Variants in ZBTB49 observed in about 807,000 individuals in gnomAD.
ZBTB49 encodes the protein zinc finger and BTB domain containing 49, also known as zinc finger and BTB domain-containing protein 49.
A neutral mutation model predicts 57.5 loss-of-function variants in ZBTB49; 43 were observed. That is an observed-to-expected ratio of 0.75 (90% CI 0.59 to 0.97). ZBTB49 has a LOEUF of 0.97. Among genes scored for constraint, ZBTB49 ranks in the 50% least tolerant of loss-of-function variants. The probability of loss-of-function intolerance (pLI) is 0.00; values close to 1 mark genes in which losing one functional copy is unlikely to be tolerated. For synonymous variants in ZBTB49, 369 were observed against 362.1 expected (o/e 1.02, Z -0.22); for missense variants, 938 against 947.7 (o/e 0.99, Z 0.13).
intron 7 of ZBTB49, among the ~76,000 whole-genome samples, chr4:4,319,224 A>G (rs1721312906): frequency 6.6e-6 from 1 of 151,976 alleles, no homozygotes; most frequent in Non-Finnish European, 1.5e-5. Flanking sequence ...AATGTGCCCA[A>G]AGTTTAGGCA....
At chr4:4,293,255 T>TCAC (rs1279296910) in intron 1 of ZBTB49, among the ~76,000 whole-genome samples, 1 of 150,632 alleles carries the variant, frequency 6.6e-6, no homozygotes, top group Non-Finnish European at 1.5e-5. Flanking sequence ...ACTAGGTGAG[T>TCAC]TAGTCGCAAA....
At chr4:4,310,810 C>A (rs1051638233) in intron 4 of ZBTB49, among the ~76,000 whole-genome samples, 1 of 151,934 alleles carries the variant, frequency 6.6e-6, no homozygotes, top group African/African-American at 2.4e-5. Context: ...TGAGCCACTG[C>A]GCCCGGCCTA....
At chr4:4,314,140 A>G (rs1721093076) in intron 5 of ZBTB49, among the ~76,000 whole-genome samples, 1 of 152,160 alleles carries the variant, frequency 6.6e-6, no homozygotes, top group Non-Finnish European at 1.5e-5. Context: ...AAAACAAACA[A>G]AAGCTGCGGC....
chr4:4,321,722 A>G lies in ZBTB49; in HGVS notation c.*406A>G, dbSNP rs151117928. 120 of 187,128 alleles carry G rather than the reference A, an allele frequency of 6.4e-4. No homozygotes were observed. Among genetic ancestry groups the G allele is most frequent in the African/African-American group, 2.8e-3 (117 of 41,956 alleles). The allele number at this position is 187,128 out of a possible 1,614,324, so 11.6% of individuals were successfully genotyped here. Reference sequence around the variant, plus strand: ...TAGCATTTTGTATTATTTACACAGAATTTATTTGTATATGAAACTCATACC... The same window carrying G: ...TAGCATTTTGTATTATTTACACAGAGTTTATTTGTATATGAAACTCATACC... On this transcript the variant is annotated 3_prime_UTR_variant, in exon 8 of 8. Coordinates refer to ENST00000337872, the MANE Select transcript of ZBTB49 (RefSeq NM_145291.4).
At chr4:4,292,366 C>T (rs775988484) in intron 1 of ZBTB49, among the ~76,000 whole-genome samples, 15 of 152,140 alleles carry the variant, frequency 9.9e-5, no homozygotes, top group Non-Finnish European at 1.6e-4. Flanking sequence ...CATGGATGAC[C>T]GTATCTGATG....
rs1369406600 is a variant in ZBTB49 at position 4,315,621 on chromosome 4, CA to C, written c.1377-12del. ...GTGGAAAGGCTCTTAATTGAATTTTCAAATTACATTCTAGGTTTGCAGCCTC... is the reference window on the plus strand; with the variant it reads ...GTGGAAAGGCTCTTAATTGAATTTTCAATTACATTCTAGGTTTGCAGCCTC... On this transcript the variant is annotated splice_polypyrimidine_tract_variant and intron_variant, in intron 5 of 7. Coordinates refer to ENST00000337872, the MANE Select transcript of ZBTB49 (RefSeq NM_145291.4). The C allele has an allele frequency of 1.2e-6, 2 of 1,612,858 alleles. No individual in the cohort carries two copies. The highest frequency in any genetic ancestry group is 1.7e-6 in the Non-Finnish European group (2 of 1,179,410).
intron 3 of ZBTB49, among the ~76,000 whole-genome samples, chr4:4,305,894 G>T (rs1335991394): frequency 6.6e-6 from 1 of 152,134 alleles, no homozygotes; most frequent in Non-Finnish European, 1.5e-5. Context: ...TAAATACATT[G>T]ATTTTAACAT....
At chr4:4,309,495 G>C (rs990444423) in intron 4 of ZBTB49, among the ~76,000 whole-genome samples, 1 of 152,214 alleles carries the variant, frequency 6.6e-6, no homozygotes, top group Non-Finnish European at 1.5e-5. Context: ...GAAAGAAAAT[G>C]CGGCGTAATT....
chr4:4,316,835 C>G (rs1242619775), intron 7 of ZBTB49, among the ~76,000 whole-genome samples: 2 of 152,200 alleles, frequency 1.3e-5, no homozygotes, highest in East Asian at 3.8e-4. Context: ...AACTCCATGA[C>G]CATTCTGATC....
At chr4:4,300,248 T>G in intron 2 of ZBTB49, 151 bp downstream of exon 2, 3 of 884,420 alleles carry the variant, frequency 3.4e-6, no homozygotes, top group South Asian at 2.8e-5. Context: ...ATTTTTAAGT[T>G]TGTTAACCAT....
chr4:4,309,313 GGGAAGAGTCATGTCATACTTTAAC>G (rs942795946), intron 4 of ZBTB49, among the ~76,000 whole-genome samples: 5 of 152,204 alleles, frequency 3.3e-5, no homozygotes, highest in Admixed American at 6.5e-5. Context: ...GATCTCTGCA[GGGAAGAGTCATGTCATACTTTAAC>G]GGAAGAGTCA....
chr4:4,301,635 G>A (rs1281957589), intron 2 of ZBTB49, among the ~76,000 whole-genome samples: 1 of 152,000 alleles, frequency 6.6e-6, no homozygotes, highest in Non-Finnish European at 1.5e-5. Flanking sequence ...AATATTTAGA[G>A]CAATCTTTTA....
chr4:4,301,019 A>G (rs1720449408), intron 2 of ZBTB49, among the ~76,000 whole-genome samples: 1 of 152,198 alleles, frequency 6.6e-6, no homozygotes. Flanking sequence ...ACACATTGTA[A>G]TGAATCAGCT....
At chr4:4,303,952 G>A (rs73076250) in intron 3 of ZBTB49, among the ~76,000 whole-genome samples, 1,843 of 152,082 alleles carry the variant, frequency 0.012, 42 homozygotes, top group African/African-American at 0.042. Flanking sequence ...CTGCTTTTAC[G>A]GTGTTTGTGT....
chr4:4,309,016 C>T (rs1266559697), intron 4 of ZBTB49, among the ~76,000 whole-genome samples: 1 of 152,156 alleles, frequency 6.6e-6, no homozygotes. Flanking sequence ...TAAAGAATGC[C>T]CACCGGCCCA....
intron 4 of ZBTB49, among the ~76,000 whole-genome samples, chr4:4,308,832 G>A (rs1413072323): frequency 6.6e-6 from 1 of 152,194 alleles, no homozygotes; most frequent in Non-Finnish European, 1.5e-5. Flanking sequence ...TGTGGGCAAA[G>A]AAAAGGCAGT....
chr4:4,291,492 G>A (rs1324568300), intron 1 of ZBTB49, among the ~76,000 whole-genome samples: 2 of 152,172 alleles, frequency 1.3e-5, no homozygotes, highest in Non-Finnish European at 2.9e-5. Flanking sequence ...GGAGTGCTGG[G>A]GGAACAGTTT....
chr4:4,312,936 G>C, intron 4 of ZBTB49, 105 bp from the exon 5 acceptor site: 1 of 1,256,418 alleles, frequency 8.0e-7, no homozygotes, highest in East Asian at 2.6e-5. Context: ...TCTGGAATTT[G>C]AATTGGAACC....
intron 7 of ZBTB49, among the ~76,000 whole-genome samples, chr4:4,317,762 G>A (rs918187700): frequency 2.6e-5 from 4 of 152,084 alleles, no homozygotes; most frequent in African/African-American, 9.7e-5. Context: ...TGCTCTCGCT[G>A]TCTTATGCGT....
Sources: gnomAD v4.1 joint callset for allele counts (sites outside exome capture counted in the v4.1 genomes callset) on GRCh38, gnomAD v4.1.1 for gene constraint, MANE v1.5 for transcripts, NCBI Gene and HGNC (gene_info 2026-07-23, HGNC 2026-07-21) for gene names.